The following CNTNAP2 variants were observed in gnomAD, a reference collection of about 807,000 sequenced individuals.
CNTNAP2 encodes contactin-associated protein-like 2.
In CNTNAP2, 98 loss-of-function variants were observed where a neutral mutation model predicts 155.2. That is an observed-to-expected ratio of 0.63 (90% CI 0.54 to 0.75). CNTNAP2 has a LOEUF of 0.75. Ranked by LOEUF, CNTNAP2 falls within the 30% of genes least tolerant of loss-of-function variation. The pLI is 0.00. For missense variants in CNTNAP2, 1,727 were observed against 1,688.1 expected, an observed-to-expected ratio of 1.02 and a Z score of -0.40; for synonymous variants, 651 against 631.2, an observed-to-expected ratio of 1.03 and a Z score of -0.47.
chr7:146,861,324 A>G (rs997934263), intron 3 of CNTNAP2, among the ~76,000 whole-genome samples: 3 of 152,260 alleles, frequency 2.0e-5, no homozygotes, highest in African/African-American at 7.2e-5. Flanking sequence ...AAGTGCTGGG[A>G]CTATAGGCAT....
rs564910895 is a variant in CNTNAP2 at position 146,813,134 on chromosome 7, G to T, written c.209-26577G>T. Among the ~76,000 whole-genome samples, 12 of 152,274 alleles carry T rather than the reference G, an allele frequency of 7.9e-5. No homozygotes were observed. In the South Asian group the frequency reaches 2.1e-3, roughly 26 times the overall value. On this transcript the variant is annotated intron_variant, in intron 2 of 23. Transcript: ENST00000361727. ...AGATCAGTGTGGAAGGAAAATGTAGGGTCAGAGCCCCCACACAGAGTCCCC... is the reference window on the plus strand; with the variant it reads ...AGATCAGTGTGGAAGGAAAATGTAGTGTCAGAGCCCCCACACAGAGTCCCC...
At chr7:148,260,793 T>A (rs1796545103) in intron 20 of CNTNAP2, among the ~76,000 whole-genome samples, 1 of 152,130 alleles carries the variant, frequency 6.6e-6, no homozygotes, top group South Asian at 2.1e-4. Flanking sequence ...GAGAGTTAAG[T>A]TGACGTAGGA....
intron 1 of CNTNAP2, among the ~76,000 whole-genome samples, chr7:146,619,531 A>G (rs1799283635): frequency 6.6e-6 from 1 of 152,216 alleles, no homozygotes; most frequent in African/African-American, 2.4e-5. Context: ...TATGTTATAA[A>G]CTAGAGTATT....
At chr7:146,371,482 C>T (rs1795235094) in intron 1 of CNTNAP2, among the ~76,000 whole-genome samples, 1 of 150,544 alleles carries the variant, frequency 6.6e-6, no homozygotes, top group Admixed American at 6.7e-5. Context: ...CATTCTCCTG[C>T]CTCAGCCTCC....
chr7:147,060,874 T>TAAAAAA (rs1799654536), intron 4 of CNTNAP2, among the ~76,000 whole-genome samples: 2 of 148,896 alleles, frequency 1.3e-5, no homozygotes, highest in African/African-American at 2.5e-5. Context: ...AAAAAAAAAA[T>TAAAAAA]AGAAAAAGAA....
chr7:148,017,674 A>C (rs1802204046), intron 15 of CNTNAP2, among the ~76,000 whole-genome samples: 1 of 152,230 alleles, frequency 6.6e-6, no homozygotes, highest in South Asian at 2.1e-4. Context: ...CCATTGCAAC[A>C]CTACTCAGAA....
At chr7:148,373,284 C>G (rs571093395) in intron 21 of CNTNAP2, among the ~76,000 whole-genome samples, 75 of 150,124 alleles carry the variant, frequency 5.0e-4, no homozygotes, top group Non-Finnish European at 9.6e-4. Context: ...GGTGAAACCC[C>G]GTCTCTACTA....
At chr7:146,806,169 G>A (rs1802963456) in intron 2 of CNTNAP2, among the ~76,000 whole-genome samples, 1 of 152,002 alleles carries the variant, frequency 6.6e-6, no homozygotes, top group African/African-American at 2.4e-5. Flanking sequence ...TGTCTCTAGG[G>A]TAGGTAAATG....
chr7:147,407,851 C>T (rs1797035871), intron 10 of CNTNAP2, among the ~76,000 whole-genome samples: 1 of 152,062 alleles, frequency 6.6e-6, no homozygotes, highest in Non-Finnish European at 1.5e-5. Flanking sequence ...GAGCATTAGC[C>T]TCGGATGATG....
intron 18 of CNTNAP2, among the ~76,000 whole-genome samples, chr7:148,209,847 T>C (rs548246656): frequency 1.3e-5 from 2 of 152,332 alleles, no homozygotes; most frequent in African/African-American, 2.4e-5. Context: ...CTTCCTACTA[T>C]GGTCTCCCCT....
chr7:146,226,843 A>G (rs1364457752), intron 1 of CNTNAP2, among the ~76,000 whole-genome samples: 1 of 152,202 alleles, frequency 6.6e-6, no homozygotes, highest in African/African-American at 2.4e-5. Context: ...ATAAAGTAAA[A>G]TAATGGTGAA....
At chr7:147,105,523 A>G (rs190082506) in intron 4 of CNTNAP2, among the ~76,000 whole-genome samples, 1 of 152,198 alleles carries the variant, frequency 6.6e-6, no homozygotes, top group East Asian at 1.9e-4. Flanking sequence ...ATTTTAATCT[A>G]TTTTTGTAGG....
At chr7:146,581,523 T>C (rs1197485155) in intron 1 of CNTNAP2, among the ~76,000 whole-genome samples, 2 of 151,964 alleles carry the variant, frequency 1.3e-5, no homozygotes, top group African/African-American at 4.8e-5. Flanking sequence ...TGACCTATGC[T>C]GAGAGAAAAA....
chr7:147,900,994 A>G (rs932607482), intron 13 of CNTNAP2, among the ~76,000 whole-genome samples: 5 of 152,094 alleles, frequency 3.3e-5, no homozygotes, highest in Non-Finnish European at 7.4e-5. Context: ...ACTTTTGATG[A>G]TGATCTTCCT....
At chr7:147,362,508 A>T (rs950541102) in intron 9 of CNTNAP2, among the ~76,000 whole-genome samples, 1 of 152,222 alleles carries the variant, frequency 6.6e-6, no homozygotes, top group Non-Finnish European at 1.5e-5. Context: ...TGTCAGTCAC[A>T]GTAATCATAA....
chr7:147,577,419 A>G (rs1220531593), intron 12 of CNTNAP2, among the ~76,000 whole-genome samples: 1 of 152,070 alleles, frequency 6.6e-6, no homozygotes, highest in Non-Finnish European at 1.5e-5. Context: ...TGCATTTCAA[A>G]GAGAATAACA....
intron 5 of CNTNAP2, among the ~76,000 whole-genome samples, chr7:147,116,549 G>A (rs1295229312): frequency 6.6e-6 from 1 of 151,828 alleles, no homozygotes; most frequent in Non-Finnish European, 1.5e-5. Flanking sequence ...AAGAATGGAT[G>A]GGGGGATGGG....
At chr7:146,407,065 C>G (rs755236028) in intron 1 of CNTNAP2, among the ~76,000 whole-genome samples, 1 of 152,138 alleles carries the variant, frequency 6.6e-6, no homozygotes, top group African/African-American at 2.4e-5. Flanking sequence ...GCCTTGGGTA[C>G]TTGACGGCAG....
At position 147,977,942 on chromosome 7, in the gene CNTNAP2, G is replaced by A. The variant is rs200413148; in HGVS notation, c.2336G>A (p.Gly779Asp). Residue 779 changes from glycine (G) to aspartate (D), a missense_variant, in exon 15 of 24, where the codon GGC becomes GAC. Physicochemically the swap from Gly to Asp is moderately conservative, Grantham distance 94 (BLOSUM62 -1). Coordinates refer to ENST00000361727, the MANE Select transcript of CNTNAP2 (RefSeq NM_014141.6). Reference protein sequence around the residue: ...QVVVGDTDRQGSEAKLSVGPL... With the variant: ...QVVVGDTDRQDSEAKLSVGPL... ...GTGGTTGGAGATACTGACCGTCAAG[G>A]CTCAGAAGCCAAATTGAGCGTAGGT... 1 of 1,614,086 alleles carries A rather than the reference G, an allele frequency of 6.2e-7. No homozygotes were observed. Among genetic ancestry groups the A allele is most frequent in the East Asian group, 2.2e-5 (1 of 44,868 alleles).
Sources: allele counts gnomAD v4.1 joint callset (sites outside exome capture counted in the v4.1 genomes callset), GRCh38; gene constraint gnomAD v4.1.1; transcripts MANE v1.5; gene names NCBI Gene and HGNC (gene_info 2026-07-23, HGNC 2026-07-21).